Variants in RAB3GAP2 observed in about 807,000 individuals in gnomAD.
RAB3GAP2 encodes RAB3 GTPase activating non-catalytic protein subunit 2, also known as rab3 GTPase-activating protein non-catalytic subunit.
In RAB3GAP2, 87 loss-of-function variants were observed where a neutral mutation model predicts 185.3. That is an observed-to-expected ratio of 0.47 (90% confidence interval 0.39 to 0.56). The LOEUF (loss-of-function observed/expected upper bound fraction) is 0.56, where lower values mean the gene tolerates loss of function less well. Ranked by LOEUF, RAB3GAP2 falls within the 20% of genes least tolerant of loss-of-function variation. RAB3GAP2 has a pLI of 0.00. For missense variants in RAB3GAP2, 1,492 were observed against 1,638.2 expected, an observed-to-expected ratio of 0.91 and a Z score of 1.54; for synonymous variants, 554 against 576.1, an observed-to-expected ratio of 0.96 and a Z score of 0.55.
At chr1:220,201,921 C>T (rs1658867653) in intron 9 of RAB3GAP2, among the ~76,000 whole-genome samples, 1 of 152,072 alleles carries the variant, frequency 6.6e-6, no homozygotes, top group Admixed American at 6.5e-5. Flanking sequence ...CGCCTGTAAT[C>T]TCAGCACTTT....
chr1:220,174,781 C>T (rs978950255), intron 21 of RAB3GAP2, among the ~76,000 whole-genome samples: 2 of 152,102 alleles, frequency 1.3e-5, no homozygotes, highest in Non-Finnish European at 2.9e-5. Context: ...ATACATATAT[C>T]GTACTTTTGA....
At chr1:220,192,823 G>A (rs1399556335) in intron 13 of RAB3GAP2, among the ~76,000 whole-genome samples, 1 of 152,190 alleles carries the variant, frequency 6.6e-6, no homozygotes, top group African/African-American at 2.4e-5. Flanking sequence ...CAGGTGGATT[G>A]ACCCAAGCAT....
At chr1:220,185,827 T>A in intron 17 of RAB3GAP2, 86 bp from the exon 18 acceptor site, 1 of 956,536 alleles carries the variant, frequency 1.0e-6, no homozygotes, top group Non-Finnish European at 1.6e-6. Context: ...AAACTTTCAC[T>A]ACCCCAAATT....
intron 1 of RAB3GAP2, among the ~76,000 whole-genome samples, chr1:220,233,806 T>A (rs1222504248): frequency 6.6e-6 from 1 of 152,134 alleles, no homozygotes; most frequent in Middle Eastern, 3.2e-3. Context: ...GTTCAAGCCA[T>A]TCTCCTGCCT....
At chr1:220,202,510 A>C in intron 8 of RAB3GAP2, 136 bp from the exon 9 acceptor site, 1 of 897,902 alleles carries the variant, frequency 1.1e-6, no homozygotes, top group Non-Finnish European at 1.7e-6. Context: ...AACAAGGCAT[A>C]AGGTGAGATT....
chr1:220,198,646 T>C (rs1312802440), intron 9 of RAB3GAP2, among the ~76,000 whole-genome samples: 3 of 152,210 alleles, frequency 2.0e-5, no homozygotes, highest in Non-Finnish European at 4.4e-5. Flanking sequence ...TCACTGTTTT[T>C]ATTATTAGGA....
intron 1 of RAB3GAP2, among the ~76,000 whole-genome samples, chr1:220,262,252 G>T (rs1293769526): frequency 6.6e-6 from 1 of 151,984 alleles, no homozygotes. Flanking sequence ...AGTAAGCCAA[G>T]ATGGCACCAC....
intron 1 of RAB3GAP2, among the ~76,000 whole-genome samples, chr1:220,269,882 C>A (rs2102540139): frequency 6.6e-6 from 1 of 152,276 alleles, no homozygotes; most frequent in Admixed American, 6.5e-5. Context: ...GTGGCCTGGA[C>A]CAGGAGAGTG....
chr1:220,225,836 A>T (rs770471069), intron 2 of RAB3GAP2, among the ~76,000 whole-genome samples: 94 of 152,168 alleles, frequency 6.2e-4, no homozygotes, highest in Non-Finnish European at 1.1e-3. Context: ...CCTGTGTGGC[A>T]GGTGGCATGA....
chr1:220,250,196 G>A (rs566022955), intron 1 of RAB3GAP2, among the ~76,000 whole-genome samples: 7 of 152,298 alleles, frequency 4.6e-5, no homozygotes, highest in East Asian at 3.9e-4. Flanking sequence ...AAAGCCACAG[G>A]GGGGGAGCTG....
chr1:220,151,498 G>T, intron 34 of RAB3GAP2, 92 bp from the exon 35 acceptor site: 1 of 1,595,860 alleles, frequency 6.3e-7, no homozygotes, highest in South Asian at 1.1e-5. Flanking sequence ...GCTTTTCTTT[G>T]TAACTAGGTG....
At chr1:220,226,640 G>C (rs1431977905) in intron 2 of RAB3GAP2, among the ~76,000 whole-genome samples, 1 of 152,060 alleles carries the variant, frequency 6.6e-6, no homozygotes, top group Admixed American at 6.6e-5. Flanking sequence ...CATTTTAAAA[G>C]TTTGTTCTGC....
chr1:220,154,285 T>G (rs1412971654), intron 31 of RAB3GAP2: 1 of 508,774 alleles, frequency 2.0e-6, no homozygotes, highest in Non-Finnish European at 3.3e-6. Context: ...TATAGTCTCC[T>G]CTCCTTGCAT....
intron 8 of RAB3GAP2, 111 bp from the exon 9 acceptor site, chr1:220,202,485 A>C (rs1482583922): frequency 6.3e-6 from 7 of 1,111,052 alleles, no homozygotes; most frequent in Non-Finnish European, 7.9e-6. Flanking sequence ...GCTAATAATG[A>C]CACAAAGTAA....
rs1659335504 is a variant in RAB3GAP2 at position 220,222,979 on chromosome 1, A to ATTTTT, written c.181-9001_181-9000insAAAAA. 3.3e-5 allele frequency among the ~76,000 whole-genome samples: 5 copies of ATTTTT among 152,360 alleles called. 1 individual carries two copies. The South Asian group carries it at 1.0e-3, about 32-fold the overall frequency. Reference sequence around the variant, plus strand: ...TACAAAATTCATTTCATAAACAATTACAATGGAACTCCAAAACTAAATGTA... The same window carrying ATTTTT: ...TACAAAATTCATTTCATAAACAATTATTTTTCAATGGAACTCCAAAACTAAATGTA... On this transcript the variant is annotated intron_variant, in intron 2 of 34. Transcript: ENST00000358951.
At chr1:220,154,188 A>G in intron 31 of RAB3GAP2, 131 bp from the exon 32 acceptor site, 4 of 1,299,118 alleles carry the variant, frequency 3.1e-6, no homozygotes, top group Non-Finnish European at 4.1e-6. Flanking sequence ...AGATTTTAGA[A>G]TAATTTTTAT....
chr1:220,225,406 T>C (rs993471889), intron 2 of RAB3GAP2, among the ~76,000 whole-genome samples: 1 of 152,132 alleles, frequency 6.6e-6, no homozygotes, highest in African/African-American at 2.4e-5. Flanking sequence ...TTAAGAGCCA[T>C]GGGCTAAATA....
chr1:220,246,470 C>T (rs375256692), intron 1 of RAB3GAP2, among the ~76,000 whole-genome samples: 7,097 of 126,812 alleles, frequency 0.056, 253 homozygotes, highest in Middle Eastern at 0.099. Context: ...CACATGCACA[C>T]GTATGTTTAT....
intron 24 of RAB3GAP2, 39 bp from the exon 25 acceptor site, chr1:220,167,714 A>G: frequency 1.9e-6 from 3 of 1,597,092 alleles, no homozygotes; most frequent in Admixed American, 1.7e-5. Context: ...AAAATTTACA[A>G]CACACAGGGC....
Sources: gnomAD v4.1 joint callset for allele counts (sites outside exome capture counted in the v4.1 genomes callset) on GRCh38, gnomAD v4.1.1 for gene constraint, MANE v1.5 for transcripts, NCBI Gene and HGNC (gene_info 2026-07-23, HGNC 2026-07-21) for gene names.